Variants in NTN1 observed in about 807,000 individuals in gnomAD.
NTN1 encodes netrin-1.
A neutral mutation model predicts 54.2 loss-of-function variants in NTN1; 11 were observed. The observed-to-expected ratio is 0.20, with a 90% CI of 0.13 to 0.34. The LOEUF is 0.34. Among genes scored for constraint, NTN1 ranks in the 10% least tolerant of loss-of-function variants. The pLI, the probability that NTN1 is intolerant of heterozygous loss-of-function variation, is 1.00. For synonymous variants in NTN1, 371 were observed against 382.0 expected, an observed-to-expected ratio of 0.97 and a Z score of 0.33; for missense variants, 740 against 893.1, an observed-to-expected ratio of 0.83 and a Z score of 2.18.
intron 5 of NTN1, among the ~76,000 whole-genome samples, chr17:9,195,192 A>ACCCCCCCCCC (rs3031881): frequency 7.0e-5 from 10 of 142,510 alleles, no homozygotes; most frequent in East Asian, 6.5e-4. Context: ...GGCGAGCTCT[A>ACCCCCCCCCC]CCACCCCTCC....
chr17:9,065,915 C>T (rs2092013651), intron 2 of NTN1, among the ~76,000 whole-genome samples: 1 of 152,182 alleles, frequency 6.6e-6, no homozygotes. Flanking sequence ...TTTGCTAATC[C>T]TGGCTTCCCC....
At position 9,135,095 on chromosome 17, in the gene NTN1, G is replaced by A. The variant is rs192197774; in HGVS notation, c.1019-27718G>A. On this transcript the variant is annotated intron_variant, in intron 2 of 6. Coordinates refer to ENST00000173229, the MANE Select transcript of NTN1 (RefSeq NM_004822.3). This position sits in a 1 kb window ranked among gnomAD's most constrained non-coding sequence, Gnocchi z 4.4. ...GGACACGGGTGTCCCCATCCACACC[G>A]AGGGCCCGGTAAGGCACATTGTCCC... Among the ~76,000 whole-genome samples the A allele has an allele frequency of 6.4e-4, 97 of 152,180 alleles. 2 individuals carry two copies. The East Asian group carries it at 0.018, about 28-fold the overall frequency.
intron 2 of NTN1, among the ~76,000 whole-genome samples, chr17:9,044,702 A>G (rs1163294622): frequency 6.6e-6 from 1 of 150,528 alleles, no homozygotes; most frequent in Non-Finnish European, 1.5e-5. Context: ...TATTCTCCAG[A>G]TACTCTATAT....
intron 6 of NTN1, among the ~76,000 whole-genome samples, chr17:9,227,297 ACACAAT>A (rs1197799439): frequency 6.7e-6 from 1 of 149,210 alleles, no homozygotes; most frequent in African/African-American, 2.6e-5. Flanking sequence ...ATACACACAT[ACACAAT>A]CACAAACACA....
chr17:9,010,261 G>C, the NTN1 span, among the ~76,000 whole-genome samples: 2,872 of 152,316 alleles, frequency 0.019, 45 homozygotes, highest in Middle Eastern at 0.095. Context: ...GAAGTCCCCT[G>C]TGTCTTGGCT....
intron 4 of NTN1, among the ~76,000 whole-genome samples, chr17:9,181,513 A>G (rs181833153): frequency 7.9e-5 from 12 of 152,300 alleles, no homozygotes; most frequent in Admixed American, 7.2e-4. Context: ...GCTTCCTAAT[A>G]ACCCATTGTG....
At chr17:9,112,972 G>A (rs2092197538) in intron 2 of NTN1, among the ~76,000 whole-genome samples, 1 of 151,950 alleles carries the variant, frequency 6.6e-6, no homozygotes, top group African/African-American at 2.4e-5. Context: ...ATTGCTTTTG[G>A]CTGTAAGTTC....
chr17:9,061,189 G>A (rs2091997147), intron 2 of NTN1, among the ~76,000 whole-genome samples: 1 of 152,152 alleles, frequency 6.6e-6, no homozygotes, highest in African/African-American at 2.4e-5. Context: ...GGTGGAGAAG[G>A]CCTGGTGGAG....
chr17:9,118,620 A>T lies in NTN1; in HGVS notation c.1019-44193A>T, dbSNP rs80001110. On this transcript the variant is annotated intron_variant, in intron 2 of 6. Transcript: ENST00000173229. ...GGACCCCAAAATAAAACCCATACCC[A>T]TCAGCACTCAGTCCCCATTTCCTCC... 2.5e-3 allele frequency among the ~76,000 whole-genome samples: 379 copies of T among 152,306 alleles called. 15 individuals carry two copies. The East Asian group carries it at 0.068, about 27-fold the overall frequency.
chr17:9,013,467 C>T, the NTN1 span, among the ~76,000 whole-genome samples: 3 of 152,168 alleles, frequency 2.0e-5, no homozygotes, highest in South Asian at 2.1e-4. Flanking sequence ...CTGCCCTCCT[C>T]GGCCTCCCAA....
At chr17:9,142,044 A>C (rs954672755) in intron 2 of NTN1, among the ~76,000 whole-genome samples, 1 of 152,020 alleles carries the variant, frequency 6.6e-6, no homozygotes, top group Non-Finnish European at 1.5e-5. Context: ...GGAGAATCGC[A>C]TGAACCCGGG....
chr17:9,201,466 C>G (rs1904783556), intron 5 of NTN1, among the ~76,000 whole-genome samples: 2 of 152,214 alleles, frequency 1.3e-5, no homozygotes, highest in South Asian at 2.1e-4. Flanking sequence ...CCAGAGGGCT[C>G]TGAATTAACC....
chr17:9,237,560 C>T (rs182751156), intron 6 of NTN1, among the ~76,000 whole-genome samples: 1 of 152,284 alleles, frequency 6.6e-6, no homozygotes, highest in East Asian at 1.9e-4. Flanking sequence ...TCTCCTGGAG[C>T]CCCAGCCCAG....
At chr17:9,010,976 G>C in the NTN1 span, among the ~76,000 whole-genome samples, 1 of 151,974 alleles carries the variant, frequency 6.6e-6, no homozygotes, top group East Asian at 1.9e-4. Context: ...TTTGCAACTA[G>C]ATGGTCCTAT....
chr17:9,107,413 T>A (rs1346512936), intron 2 of NTN1, among the ~76,000 whole-genome samples: 1 of 152,162 alleles, frequency 6.6e-6, no homozygotes, highest in East Asian at 1.9e-4. Flanking sequence ...GTGAAAGACA[T>A]GTGGGCACTT....
chr17:9,042,099 C>G (rs2091923953), intron 2 of NTN1, among the ~76,000 whole-genome samples: 2 of 152,112 alleles, frequency 1.3e-5, no homozygotes, highest in Middle Eastern at 3.4e-3. Flanking sequence ...TCCTAGGACC[C>G]TAGAACCCAC....
intron 2 of NTN1, among the ~76,000 whole-genome samples, chr17:9,158,756 G>A (rs541685723): frequency 1.6e-4 from 24 of 152,130 alleles, no homozygotes; most frequent in Admixed American, 6.5e-4. Context: ...CGTGACAGTC[G>A]TCTGCAGGAG....
At chr17:9,237,018 TTC>T (rs918795312) in intron 6 of NTN1, among the ~76,000 whole-genome samples, 2 of 152,212 alleles carry the variant, frequency 1.3e-5, no homozygotes, top group African/African-American at 4.8e-5. Context: ...CTCTAGCCTC[TTC>T]TCAGCAAACT....
At chr17:9,106,476 CCTTCCTTCCTTCCTTCCTT>C in intron 2 of NTN1, among the ~76,000 whole-genome samples, 1 of 20,792 alleles carries the variant, frequency 4.8e-5, no homozygotes. Flanking sequence ...TCCCTTCCTT[CCTTCCTTCCTTCCTTCCTT>C]CCTTCCTTCC....
Sources: allele counts gnomAD v4.1 joint callset (sites outside exome capture counted in the v4.1 genomes callset), GRCh38; gene constraint gnomAD v4.1.1; non-coding constraint Gnocchi (gnomAD v3.1); transcripts MANE v1.5; gene names NCBI Gene and HGNC (gene_info 2026-07-23, HGNC 2026-07-21).